ZNF141: variants seen among roughly 807,000 people sequenced by gnomAD.
ZNF141 encodes the protein zinc finger protein 141 (clone pHZ-44).
Under a neutral mutation model 11.3 loss-of-function variants are expected in ZNF141, and 7 were observed. That is an observed-to-expected ratio of 0.62 (90% CI 0.35 to 1.16). The LOEUF is 1.16. Among genes scored for constraint, ZNF141 ranks in the 50% most tolerant of loss-of-function variants. ZNF141 has a pLI of 0.02. For missense variants in ZNF141, 535 were observed against 554.0 expected (o/e 0.97, Z 0.34); for synonymous variants, 183 against 190.7 (o/e 0.96, Z 0.33).
chr4:359,660 A>G (rs1411694150), intron 3 of ZNF141, among the ~76,000 whole-genome samples: 4 of 152,296 alleles, frequency 2.6e-5, no homozygotes, highest in African/African-American at 7.2e-5. Context: ...GTCAGCCAGC[A>G]TGCCTACAGG....
chr4:363,774 C>CG (rs59300063), intron 3 of ZNF141, among the ~76,000 whole-genome samples: 21,377 of 148,554 alleles, frequency 0.14, 2,150 homozygotes, highest in African/African-American at 0.28. Context: ...AAAAAAAAGG[C>CG]GGGGGGGAAT....
In ZNF141 at chr4:381,946, C is replaced by CTTTTTTTTTTTTTTT. The variant is rs34905613; in HGVS notation, c.*8089_*8103dup. 1.1e-4 allele frequency among the ~76,000 whole-genome samples: 12 copies of CTTTTTTTTTTTTTTT among 105,932 alleles called. No individual in the cohort carries two copies. The highest frequency in any genetic ancestry group is 7.9e-4 in the East Asian group (3 of 3,792). The allele number at this position is 105,932 out of a possible 152,430, so 69.5% of individuals were successfully genotyped here. ...CTAGGGCCACCACCATCTCTGGGAACTTTTTTTTTTTTTTTTTTTGAGACG... is the reference window on the plus strand; with the variant it reads ...CTAGGGCCACCACCATCTCTGGGAACTTTTTTTTTTTTTTTTTTTTTTTTTTTTTTTTTTGAGACG... On this transcript the variant is annotated 3_prime_UTR_variant, in exon 4 of 4. Transcript: ENST00000240499.
rs1376775790 is a variant in ZNF141 at position 384,205 on chromosome 4, C to A, written c.*10343C>A. On this transcript the variant is annotated 3_prime_UTR_variant, in exon 4 of 4. Transcript: ENST00000240499. ...GATAAATAGCAAAACAAGAAGTTTG[C>A]CTTTAATCTATTCCCTCCACATCTA... is the stretch of plus-strand genomic sequence containing the variant. 1 of 152,192 alleles carries A rather than the reference C, an allele frequency of 6.6e-6. No homozygotes were observed. The highest frequency in any genetic ancestry group is 1.5e-5 in the Non-Finnish European group (1 of 68,054). 9.4% of individuals were successfully genotyped at this position (152,192 alleles called of 1,614,324 possible). A position where few individuals can be genotyped will look rare whatever the true frequency, so the allele number is the denominator to read the frequency against.
At chr4:349,522 G>A (rs1488226847) in intron 3 of ZNF141, among the ~76,000 whole-genome samples, 4 of 152,126 alleles carry the variant, frequency 2.6e-5, no homozygotes, top group African/African-American at 9.7e-5. Context: ...GGCCCTGGAG[G>A]CAGGCCTGCA....
rs1712384817 is a variant in ZNF141, at chr4:376,715, T to A, written c.*2853T>A. Reference sequence around the variant, plus strand: ...ATTATAGAGCAAGCAATTGTGTTTATGTGAGTTTGTACCTATTTTCCAAAG... The same window carrying A: ...ATTATAGAGCAAGCAATTGTGTTTAAGTGAGTTTGTACCTATTTTCCAAAG... On this transcript the variant is annotated 3_prime_UTR_variant, in exon 4 of 4. Coordinates refer to ENST00000240499, the MANE Select transcript of ZNF141 (RefSeq NM_003441.4). Among the ~76,000 whole-genome samples the A allele has an allele frequency of 6.6e-6, 1 of 152,138 alleles. No homozygotes were observed. The highest frequency in any genetic ancestry group is 1.5e-5 in the Non-Finnish European group (1 of 67,966).
At chr4:343,001 GT>G in intron 1 of ZNF141, 1 of 869,222 alleles carries the variant, frequency 1.2e-6, no homozygotes, top group South Asian at 2.1e-5. Context: ...GGTTAAAAAA[GT>G]ATTAAAAAAG....
chr4:369,756 A>ATTTT (rs1560196775), intron 3 of ZNF141, among the ~76,000 whole-genome samples: 1 of 35,360 alleles, frequency 2.8e-5, no homozygotes, highest in African/African-American at 1.6e-4. Flanking sequence ...ATATATATAT[A>ATTTT]TATATATATT....
chr4:365,838 C>G (rs1711717914), intron 3 of ZNF141, among the ~76,000 whole-genome samples: 2 of 152,152 alleles, frequency 1.3e-5, no homozygotes, highest in Non-Finnish European at 2.9e-5. Context: ...GGCCTAGTTT[C>G]ATTTTTTGAT....
At chr4:369,764 A>ATATATATATATATATATT in intron 3 of ZNF141, among the ~76,000 whole-genome samples, 1 of 48,744 alleles carries the variant, frequency 2.1e-5, no homozygotes, top group South Asian at 8.2e-4. Flanking sequence ...ATATATATAT[A>ATATATATATATATATATT]TTTTTTTTTT....
intron 3 of ZNF141, among the ~76,000 whole-genome samples, chr4:357,575 ATTATACC>A (rs1256982161): frequency 6.6e-6 from 1 of 152,122 alleles, no homozygotes; most frequent in Non-Finnish European, 1.5e-5. Context: ...AATTTAAGAC[ATTATACC>A]TTTACACAAT....
intron 1 of ZNF141, 130 bp from the exon 2 acceptor site, chr4:343,652 G>C (rs943884106): frequency 1.9e-6 from 2 of 1,074,048 alleles, no homozygotes; most frequent in Non-Finnish European, 1.2e-6. Context: ...GTGAACCTGG[G>C]AGGCGGAGCT....
chr4:384,332 G>A lies in ZNF141; in HGVS notation c.*10470G>A, dbSNP rs192528023. 68 of 152,422 alleles carry A rather than the reference G, an allele frequency of 4.5e-4. No homozygotes were observed. Among genetic ancestry groups the A allele is most frequent in the African/African-American group, 1.5e-3 (64 of 41,552 alleles). 9.4% of individuals were successfully genotyped at this position (152,422 alleles called of 1,614,324 possible). ...TACCATCTGATATTTGAAAAGAAGA[G>A]GAACCCCTGAGAAAGGAGGCAGAGG... On this transcript the variant is annotated 3_prime_UTR_variant, in exon 4 of 4. Coordinates refer to ENST00000240499, the MANE Select transcript of ZNF141 (RefSeq NM_003441.4).
intron 1 of ZNF141, among the ~76,000 whole-genome samples, chr4:341,716 G>C (rs1553848505): frequency 6.6e-6 from 1 of 152,144 alleles, no homozygotes; most frequent in Admixed American, 6.5e-5. Flanking sequence ...GTCCAGGTCT[G>C]AGCCAACACT....
chr4:371,167 C>G (rs762176235), intron 3 of ZNF141, among the ~76,000 whole-genome samples: 5 of 148,788 alleles, frequency 3.4e-5, no homozygotes, highest in Admixed American at 1.3e-4. Context: ...TACCATTTAG[C>G]TCATTGAGTT....
chr4:338,354 C>A (rs1720890348), intron 1 of ZNF141: 1 of 246,850 alleles, frequency 4.1e-6, no homozygotes, highest in Non-Finnish European at 8.0e-6. Context: ...GAGATCGAGG[C>A]CCCATCAAAA....
intron 3 of ZNF141, among the ~76,000 whole-genome samples, chr4:369,904 C>CTACAGGCA (rs1424649206): frequency 6.7e-6 from 1 of 150,050 alleles, no homozygotes; most frequent in Non-Finnish European, 1.5e-5. Flanking sequence ...GTAGCTGGGA[C>CTACAGGCA]TACAGGCACA....
intron 3 of ZNF141, among the ~76,000 whole-genome samples, chr4:369,731 TAAAGAG>T (rs1553853287): frequency 1.1e-3 from 85 of 79,608 alleles, no homozygotes; most frequent in Non-Finnish European, 1.8e-3. Flanking sequence ...AAAAATTTCT[TAAAGAG>T]ATATATATAT....
intron 3 of ZNF141, among the ~76,000 whole-genome samples, chr4:358,883 G>A (rs569242280): frequency 6.6e-6 from 1 of 152,198 alleles, no homozygotes; most frequent in South Asian, 2.1e-4. Flanking sequence ...CTCTTATTGA[G>A]ATTTTTTAAG....
At chr4:358,429 G>T (rs1177460039) in intron 3 of ZNF141, 1 of 262,388 alleles carries the variant, frequency 3.8e-6, no homozygotes, top group Non-Finnish European at 7.5e-6. Flanking sequence ...CAAGTGATCC[G>T]CCTGCCTCAG....
Sources: gnomAD v4.1 joint callset for allele counts (sites outside exome capture counted in the v4.1 genomes callset) on GRCh38, gnomAD v4.1.1 for gene constraint, MANE v1.5 for transcripts, NCBI Gene and HGNC (gene_info 2026-07-23, HGNC 2026-07-21) for gene names.